Variants in HDAC9 observed in about 807,000 individuals in gnomAD.
The protein encoded by HDAC9 is histone deacetylase 9.
In HDAC9, 41 loss-of-function variants were observed where a neutral mutation model predicts 139.4. The ratio of observed to expected loss-of-function variants is 0.29; its 90% CI spans 0.23 to 0.38. The LOEUF is 0.38. Among genes scored for constraint, HDAC9 ranks in the 10% least tolerant of loss-of-function variants. HDAC9 has a pLI of 1.00. For missense variants in HDAC9, 1,147 were observed against 1,297.0 expected (o/e 0.88, Z 1.78); for synonymous variants, 517 against 476.2 (o/e 1.09, Z -1.12).
At chr7:18,215,316 C>G (rs1194171988) in intron 2 of HDAC9, among the ~76,000 whole-genome samples, 1 of 152,012 alleles carries the variant, frequency 6.6e-6, no homozygotes, top group Non-Finnish European at 1.5e-5. Flanking sequence ...AGAGAAAGTC[C>G]CGGTCCTTTC....
chr7:18,584,657 C>A (rs1484308337), intron 2 of HDAC9, among the ~76,000 whole-genome samples: 1 of 152,172 alleles, frequency 6.6e-6, no homozygotes, highest in Non-Finnish European at 1.5e-5. Flanking sequence ...ACCAATTCAA[C>A]ATCAGGACTT....
intron 1 of HDAC9, among the ~76,000 whole-genome samples, chr7:18,423,796 A>G (rs1789860823): frequency 1.3e-5 from 2 of 152,212 alleles, no homozygotes; most frequent in African/African-American, 4.8e-5. Flanking sequence ...GGCTTGGCTC[A>G]GAGTGGGCAC....
At chr7:18,821,200 C>A (rs1426214950) in intron 17 of HDAC9, among the ~76,000 whole-genome samples, 1 of 152,234 alleles carries the variant, frequency 6.6e-6, no homozygotes, top group Non-Finnish European at 1.5e-5. Context: ...GAAATGCTCT[C>A]ATGACCTCAT....
intron 1 of HDAC9, among the ~76,000 whole-genome samples, chr7:18,358,790 A>T (rs1046726304): frequency 8.5e-5 from 13 of 152,240 alleles, no homozygotes; most frequent in Admixed American, 8.5e-4. Flanking sequence ...CTCTAGCTAT[A>T]ACTTTAGACA....
chr7:18,840,332 A>G (rs1796506572), intron 21 of HDAC9, among the ~76,000 whole-genome samples: 1 of 151,936 alleles, frequency 6.6e-6, no homozygotes, highest in African/African-American at 2.4e-5. Flanking sequence ...GTTGATGCAT[A>G]TTTTCAATAG....
chr7:18,433,870 T>C (rs530954873), intron 1 of HDAC9, among the ~76,000 whole-genome samples: 1 of 152,338 alleles, frequency 6.6e-6, no homozygotes, highest in African/African-American at 2.4e-5. Context: ...GATTTAATGC[T>C]ATTCCTGTCA....
At chr7:18,919,929 A>T (rs548377884) in intron 22 of HDAC9, among the ~76,000 whole-genome samples, 29 of 152,160 alleles carry the variant, frequency 1.9e-4, no homozygotes, top group African/African-American at 6.7e-4. Context: ...GTCAGGTAGC[A>T]TGATGCCTCC....
intron 1 of HDAC9, among the ~76,000 whole-genome samples, chr7:18,332,376 TGTGTG>T (rs1800988957): frequency 6.7e-6 from 1 of 148,666 alleles, no homozygotes; most frequent in African/African-American, 2.6e-5. Context: ...TGTGTGTGTG[TGTGTG>T]TGTGTGTGTG....
At chr7:18,915,513 T>G (rs1803109342) in intron 22 of HDAC9, among the ~76,000 whole-genome samples, 1 of 151,696 alleles carries the variant, frequency 6.6e-6, no homozygotes, top group Non-Finnish European at 1.5e-5. Flanking sequence ...TTACAAAAAA[T>G]TATGTGCCAC....
intron 1 of HDAC9, among the ~76,000 whole-genome samples, chr7:18,159,007 G>A (rs763096929): frequency 6.6e-6 from 1 of 152,186 alleles, no homozygotes; most frequent in Non-Finnish European, 1.5e-5. Flanking sequence ...GTCTTTTATT[G>A]TGGATTTATG....
rs1410586149 is a variant in HDAC9 at position 18,104,021 on chromosome 7, C to T, written c.-97+16808C>T. 2.0e-5 allele frequency among the ~76,000 whole-genome samples: 3 copies of T among 152,110 alleles called. No individual in the cohort carries two copies. In the East Asian group the frequency reaches 5.8e-4, roughly 29 times the overall value. The stretch of plus-strand genomic sequence containing the variant: ...ACACTCATACCCACCCACATTCAGA[C>T]CGAGACTGTGTAGACACGCTGATTC... On this transcript the variant is annotated intron_variant, in intron 1 of 12. Coordinates refer to the HDAC9 transcript ENST00000417496.
At chr7:18,897,138 A>C (rs189660092) in intron 22 of HDAC9, among the ~76,000 whole-genome samples, 1 of 150,724 alleles carries the variant, frequency 6.6e-6, no homozygotes, top group African/African-American at 2.4e-5. Context: ...TAGAAAAAAA[A>C]TTTAATTAAA....
intron 2 of HDAC9, among the ~76,000 whole-genome samples, chr7:18,561,015 G>T (rs775692235): frequency 5.9e-5 from 9 of 152,082 alleles, no homozygotes; most frequent in Admixed American, 1.3e-4. Flanking sequence ...CTTACATACT[G>T]TATCAGTCAG....
intron 2 of HDAC9, among the ~76,000 whole-genome samples, chr7:18,228,928 T>G (rs1258271145): frequency 6.6e-6 from 1 of 152,196 alleles, no homozygotes; most frequent in African/African-American, 2.4e-5. Context: ...TTATGTGTGC[T>G]GAGGTCAAAA....
intron 1 of HDAC9, among the ~76,000 whole-genome samples, chr7:18,445,656 A>T (rs1419032998): frequency 6.6e-6 from 1 of 152,224 alleles, no homozygotes; most frequent in East Asian, 1.9e-4. Context: ...CCTGTATGTT[A>T]TAACCAGGCC....
At chr7:18,624,815 C>T (rs1841198559) in intron 6 of HDAC9, among the ~76,000 whole-genome samples, 1 of 151,872 alleles carries the variant, frequency 6.6e-6, no homozygotes, top group South Asian at 2.1e-4. Context: ...TTTTATAGAG[C>T]ATTGCCAGGA....
chr7:18,319,709 T>A (rs1199658837), intron 1 of HDAC9, among the ~76,000 whole-genome samples: 1 of 119,950 alleles, frequency 8.3e-6, no homozygotes, highest in Non-Finnish European at 1.9e-5. Flanking sequence ...CTCAAAAAAA[T>A]TTTTAGCCAT....
intron 22 of HDAC9, among the ~76,000 whole-genome samples, chr7:18,928,184 G>A (rs1804407194): frequency 6.6e-6 from 1 of 152,130 alleles, no homozygotes; most frequent in African/African-American, 2.4e-5. Context: ...ACCTACTACA[G>A]CATTAACTCA....
chr7:18,572,651 CT>C (rs764387640), intron 2 of HDAC9, among the ~76,000 whole-genome samples: 8 of 152,104 alleles, frequency 5.3e-5, no homozygotes, highest in African/African-American at 9.6e-5. Context: ...TTTGAATCTT[CT>C]CAAGATTTCA....
Sources: gnomAD v4.1 joint callset for allele counts (sites outside exome capture counted in the v4.1 genomes callset) on GRCh38, gnomAD v4.1.1 for gene constraint, MANE v1.5 for transcripts, NCBI Gene and HGNC (gene_info 2026-07-23, HGNC 2026-07-21) for gene names.